Variants in PDE4D observed in about 807,000 individuals in gnomAD.
PDE4D encodes the protein 3',5'-cyclic-AMP phosphodiesterase 4D.
PDE4D carries 24 observed loss-of-function variants against 87.4 expected under a neutral mutation model. The ratio of observed to expected loss-of-function variants is 0.27; its 90% confidence interval spans 0.20 to 0.39. The LOEUF (loss-of-function observed/expected upper bound fraction) is 0.39, where lower values mean the gene tolerates loss of function less well. PDE4D is among the 10% of genes least tolerant of loss of function. PDE4D has a pLI of 1.00. For synonymous variants in PDE4D, 384 were observed against 383.2 expected (o/e 1.00, Z -0.02); for missense variants, 714 against 1,041.0 (o/e 0.69, Z 4.32).
intron 2 of PDE4D, among the ~76,000 whole-genome samples, chr5:60,070,665 T>C (rs1772614239): frequency 6.6e-6 from 1 of 152,056 alleles, no homozygotes. Context: ...TTTCTTGTGG[T>C]GCTTTTGTCT....
chr5:59,496,475 C>T (rs945286282), intron 1 of PDE4D, among the ~76,000 whole-genome samples: 8 of 152,144 alleles, frequency 5.3e-5, no homozygotes, highest in Admixed American at 5.2e-4. Context: ...TTACCCAGCA[C>T]TTCCCAGCAT....
intron 1 of PDE4D, among the ~76,000 whole-genome samples, chr5:59,741,682 T>C (rs911427534): frequency 2.6e-5 from 4 of 152,220 alleles, no homozygotes; most frequent in African/African-American, 4.8e-5. Flanking sequence ...AAAAGATTCA[T>C]CTTTATTTAC....
At chr5:59,877,429 T>G (rs1334668938) in intron 1 of PDE4D, among the ~76,000 whole-genome samples, 2 of 144,094 alleles carry the variant, frequency 1.4e-5, no homozygotes, top group African/African-American at 5.1e-5. Context: ...CCATGGCACA[T>G]GTATATCTAT....
intron 1 of PDE4D, among the ~76,000 whole-genome samples, chr5:59,645,493 TAAAGATTC>T (rs1483459819): frequency 6.6e-6 from 1 of 152,220 alleles, no homozygotes; most frequent in Admixed American, 6.5e-5. Context: ...GAAACTGAGT[TAAAGATTC>T]ATTTAGTTTC....
chr5:59,755,611 C>A (rs1761103420), intron 1 of PDE4D, among the ~76,000 whole-genome samples: 1 of 151,984 alleles, frequency 6.6e-6, no homozygotes, highest in Non-Finnish European at 1.5e-5. Flanking sequence ...GCCTGCAATT[C>A]ATATATATTT....
chr5:59,438,368 T>C (rs1036817624), intron 1 of PDE4D, among the ~76,000 whole-genome samples: 2 of 152,200 alleles, frequency 1.3e-5, no homozygotes, highest in Non-Finnish European at 2.9e-5. Context: ...TAGGAAGATA[T>C]ATGACTTGTC....
At chr5:60,071,019 T>C (rs977111233) in intron 2 of PDE4D, among the ~76,000 whole-genome samples, 3 of 152,020 alleles carry the variant, frequency 2.0e-5, no homozygotes, top group African/African-American at 7.2e-5. Flanking sequence ...TGGCATCATT[T>C]GTGATTTCTC....
chr5:60,347,305 G>A (rs531098496), intron 1 of PDE4D, among the ~76,000 whole-genome samples: 2 of 152,240 alleles, frequency 1.3e-5, no homozygotes, highest in Non-Finnish European at 2.9e-5. Flanking sequence ...GGAAGTTAAG[G>A]AGCAGGAGAA....
chr5:59,327,132 T>TACACAC (rs3061651), intron 1 of PDE4D, among the ~76,000 whole-genome samples: 2,335 of 141,808 alleles, frequency 0.016, 30 homozygotes, highest in Non-Finnish European at 0.025. Flanking sequence ...GAAACAGAAA[T>TACACAC]ACACACACAC....
chr5:60,447,544 G>GA lies in PDE4D; in HGVS notation c.-90+40397dup, dbSNP rs1010469157. On this transcript the variant is annotated intron_variant, in intron 1 of 16. Transcript: ENST00000502484. The stretch of plus-strand genomic sequence containing the variant: ...AAGTAGAAAAGAAGGAATAGCTTTT[G>GA]AAAAAAAAAAGAAAGAAAACAAATA... Among the ~76,000 whole-genome samples, 618 of 146,938 alleles carry GA rather than the reference G, an allele frequency of 4.2e-3. 5 individuals are homozygous for GA. Among genetic ancestry groups the GA allele is most frequent in the African/African-American group, 0.014 (564 of 40,246 alleles).
At chr5:60,335,618 T>C (rs1757689813) in intron 1 of PDE4D, among the ~76,000 whole-genome samples, 1 of 152,178 alleles carries the variant, frequency 6.6e-6, no homozygotes, top group Admixed American at 6.5e-5. Context: ...GAAGAAATAG[T>C]AAACTCTCCT....
chr5:60,355,679 G>A (rs564681846), intron 1 of PDE4D, among the ~76,000 whole-genome samples: 30 of 151,804 alleles, frequency 2.0e-4, no homozygotes, highest in Non-Finnish European at 3.7e-4. Context: ...CAATTAACAC[G>A]TATTTTGTAT....
chr5:59,028,974 T>C (rs955353124), intron 6 of PDE4D, among the ~76,000 whole-genome samples: 4 of 152,224 alleles, frequency 2.6e-5, no homozygotes, highest in Non-Finnish European at 5.9e-5. Context: ...ACCTATGATT[T>C]CATGTATACC....
intron 2 of PDE4D, among the ~76,000 whole-genome samples, chr5:60,046,848 C>T (rs1240720682): frequency 1.3e-5 from 2 of 152,244 alleles, no homozygotes; most frequent in East Asian, 1.9e-4. Context: ...TGTGTCTCTG[C>T]CTGGCTTTGG....
At chr5:59,258,451 G>A (rs1020491776) in intron 1 of PDE4D, among the ~76,000 whole-genome samples, 10 of 151,772 alleles carry the variant, frequency 6.6e-5, no homozygotes, top group African/African-American at 2.4e-4. Context: ...AGCACAGAAA[G>A]GAGATAAAAT....
intron 1 of PDE4D, among the ~76,000 whole-genome samples, chr5:59,263,690 T>G (rs1762394120): frequency 6.6e-6 from 1 of 151,964 alleles, no homozygotes; most frequent in Admixed American, 6.6e-5. Context: ...TCAAACATAA[T>G]TTTGCAAGGG....
chr5:59,742,754 G>A (rs1401345253), intron 1 of PDE4D, among the ~76,000 whole-genome samples: 1 of 152,048 alleles, frequency 6.6e-6, no homozygotes, highest in African/African-American at 2.4e-5. Context: ...TTTTGCATTT[G>A]CAAAAATAGT....
intron 1 of PDE4D, among the ~76,000 whole-genome samples, chr5:60,420,863 C>G (rs1482294591): frequency 1.3e-5 from 2 of 152,240 alleles, no homozygotes; most frequent in Non-Finnish European, 1.5e-5. Flanking sequence ...TCTTAGCAAC[C>G]AGCAGACCAG....
At chr5:59,680,212 C>G (rs946554517) in intron 1 of PDE4D, among the ~76,000 whole-genome samples, 3 of 152,130 alleles carry the variant, frequency 2.0e-5, no homozygotes, top group Non-Finnish European at 4.4e-5. Context: ...AGCCACAAAC[C>G]CACATATGCA....
Sources: gnomAD v4.1 joint callset for allele counts (sites outside exome capture counted in the v4.1 genomes callset) on GRCh38, gnomAD v4.1.1 for gene constraint, MANE v1.5 for transcripts, NCBI Gene and HGNC (gene_info 2026-07-23, HGNC 2026-07-21) for gene names.